ANKRD36: variants seen among roughly 807,000 people sequenced by gnomAD.
ANKRD36 encodes ankyrin repeat domain 36.
Under a neutral mutation model 278.1 loss-of-function variants are expected in ANKRD36, and 179 were observed. The ratio of observed to expected loss-of-function variants is 0.64; its 90% CI spans 0.57 to 0.73. The LOEUF (loss-of-function observed/expected upper bound fraction) is 0.73. Among genes scored for constraint, ANKRD36 ranks in the 30% least tolerant of loss-of-function variants. ANKRD36 has a pLI of 0.00. For synonymous variants in ANKRD36, 320 were observed against 641.1 expected, an observed-to-expected ratio of 0.50 and a Z score of 7.57; for missense variants, 1,159 against 1,956.7, an observed-to-expected ratio of 0.59 and a Z score of 7.69.
chr2:97,178,606 C>T (rs1263121403), intron 22 of ANKRD36, among the ~76,000 whole-genome samples: 1 of 145,022 alleles, frequency 6.9e-6, no homozygotes, highest in African/African-American at 2.5e-5. Flanking sequence ...CATATTCTCA[C>T]TCATAGGTGG....
chr2:97,225,376 T>C (rs1406226490), intron 67 of ANKRD36, among the ~76,000 whole-genome samples: 2 of 152,108 alleles, frequency 1.3e-5, no homozygotes, highest in African/African-American at 4.8e-5. Context: ...GAATGCGTTA[T>C]AAAATCAACC....
chr2:97,146,431 T>A, intron 10 of ANKRD36, 55 bp from the exon 11 acceptor site: 1 of 1,376,060 alleles, frequency 7.3e-7, no homozygotes, highest in Non-Finnish European at 9.8e-7. Flanking sequence ...ATGTTTTTAA[T>A]ATTTTATAGG....
rs1299744411 is a variant in ANKRD36 at position 97,209,803 on chromosome 2, A to T, written c.3298A>T (p.Thr1100Ser). 6.2e-7 allele frequency: 1 copy of T among 1,600,846 alleles called. No individual in the cohort carries two copies. The highest frequency in any genetic ancestry group is 8.5e-7 in the Non-Finnish European group (1 of 1,175,918). The change falls in exon 56 of 76, where the codon ACA (threonine) becomes TCA (serine). Residue 1100 changes from threonine (T) to serine (S), a missense_variant. Physicochemically the swap from Thr to Ser is moderately conservative, Grantham distance 58 (BLOSUM62 1). Transcript: ENST00000420699. ...TTTCATTTCAAATTCCATTCAGGCT[A>T]CAAGTGACGAGAAAGATTCTGTTTT... ...SSRKKPALKA[T>S]SDEKDSVLYI...
intron 42 of ANKRD36, 34 bp from the exon 43 acceptor site, chr2:97,198,429 A>C: frequency 1.3e-6 from 2 of 1,569,238 alleles, no homozygotes; most frequent in Non-Finnish European, 1.7e-6. Flanking sequence ...TCGTTTTTAC[A>C]TATGAGTGAT....
Position 97,122,939 on chromosome 2 carries a change from T to C in ANKRD36, c.539T>C (p.Val180Ala). 1.3e-6 allele frequency: 2 copies of C among 1,545,132 alleles called. No individual in the cohort carries two copies. The highest frequency in any genetic ancestry group is 1.7e-6 in the Non-Finnish European group (2 of 1,142,966). Residue 180 changes from valine to alanine, a missense_variant, in exon 4 of 76, where the codon GTG becomes GCG. Val to Ala is a moderately conservative substitution (Grantham distance 64). Coordinates refer to ENST00000420699, the MANE Select transcript of ANKRD36 (RefSeq NM_001354587.1). ...FAVSRRKVKM[V>A]EFLLKKKANV... ...GTGAGTCGAAGAAAAGTGAAAATGG[T>C]GGAATTTTTATTAAAGAAAAAAGCA...
At chr2:97,149,657 C>A (rs1422770180) in intron 12 of ANKRD36, among the ~76,000 whole-genome samples, 15 of 150,948 alleles carry the variant, frequency 9.9e-5, no homozygotes, top group African/African-American at 3.5e-4. Context: ...AGAGGATATA[C>A]AAATTTTGGT....
intron 32 of ANKRD36, 72 bp downstream of exon 32, chr2:97,187,473 C>T: frequency 1.7e-5 from 2 of 116,424 alleles, no homozygotes; most frequent in Non-Finnish European, 1.6e-5. Flanking sequence ...CCTAATAAAT[C>T]AGCGGAGGGC....
At chr2:97,180,516 A>T (rs2055859355) in intron 24 of ANKRD36, among the ~76,000 whole-genome samples, 1 of 151,626 alleles carries the variant, frequency 6.6e-6, no homozygotes, top group South Asian at 2.1e-4. Context: ...AGAAGATTTG[A>T]TTTTGGCTGC....
In ANKRD36 at chr2:97,187,408, T is replaced by C. The variant is rs758849588; in HGVS notation, c.2143+7T>C. 7.2e-7 allele frequency: 1 copy of C among 1,384,494 alleles called. No individual in the cohort carries two copies. The highest frequency in any genetic ancestry group is 2.0e-5 in the Admixed American group (1 of 49,072). The allele number at this position is 1,384,494 out of a possible 1,614,324, so 85.8% of individuals were successfully genotyped here. A position where few individuals can be genotyped will look rare whatever the true frequency, so the allele number is the denominator to read the frequency against. ...GGAGAAAAATCTGGGACAGGTAATTTTGCAAAACACATTCAATGTCATGTT... is the reference window on the plus strand; with the variant it reads ...GGAGAAAAATCTGGGACAGGTAATTCTGCAAAACACATTCAATGTCATGTT... On this transcript the variant is annotated splice_region_variant and intron_variant, in intron 32 of 75. Transcript: ENST00000420699.
chr2:97,201,399 A>G (rs1401512483), intron 46 of ANKRD36, among the ~76,000 whole-genome samples: 3 of 151,900 alleles, frequency 2.0e-5, no homozygotes, highest in Non-Finnish European at 4.4e-5. Context: ...TCCTAGAGTG[A>G]TCATTTTCAA....
At chr2:97,166,653 T>A (rs2050746691) in intron 20 of ANKRD36, among the ~76,000 whole-genome samples, 1 of 152,212 alleles carries the variant, frequency 6.6e-6, no homozygotes, top group African/African-American at 2.4e-5. Context: ...ACCTGGTATA[T>A]TCGCACTCGA....
At chr2:97,202,437 A>G (rs2061644044) in intron 48 of ANKRD36, 44 bp downstream of exon 48, 11 of 1,541,196 alleles carry the variant, frequency 7.1e-6, no homozygotes, top group Middle Eastern at 1.7e-4. Flanking sequence ...GTCCAGGTAG[A>G]TAAGAAGTTC....
At chr2:97,212,914 A>G (rs1481524092) in intron 58 of ANKRD36, 1 of 252,408 alleles carries the variant, frequency 4.0e-6, no homozygotes, top group African/African-American at 2.3e-5. Context: ...GGACACTTCC[A>G]CTGAAGAGAC....
At chr2:97,192,349 C>T (rs2058707067) in intron 36 of ANKRD36, among the ~76,000 whole-genome samples, 1 of 151,674 alleles carries the variant, frequency 6.6e-6, no homozygotes. Context: ...TAGGACACTA[C>T]CCCTGAAGAG....
intron 67 of ANKRD36, among the ~76,000 whole-genome samples, chr2:97,227,345 G>A (rs1189018298): frequency 8.7e-5 from 13 of 149,552 alleles, no homozygotes; most frequent in Admixed American, 2.7e-4. Flanking sequence ...CCTTCACATC[G>A]CTTGTAAGTT....
intron 42 of ANKRD36, 132 bp downstream of exon 42, chr2:97,196,920 A>C (rs950555420): frequency 5.0e-6 from 7 of 1,387,008 alleles, no homozygotes; most frequent in Non-Finnish European, 5.8e-6. Flanking sequence ...CTTCATTTGC[A>C]GTAGGTTCTT....
intron 24 of ANKRD36, among the ~76,000 whole-genome samples, chr2:97,180,426 G>A (rs200790270): frequency 4.6e-5 from 7 of 151,474 alleles, no homozygotes; most frequent in African/African-American, 1.7e-4. Context: ...GGAAAAAGAA[G>A]GTATTTATGT....
chr2:97,260,379 T>TATATATAC lies in ANKRD36; in HGVS notation c.*7-3949_*7-3948insTATATACA, dbSNP rs1315601255. 6.3e-3 allele frequency among the ~76,000 whole-genome samples: 758 copies of TATATATAC among 120,762 alleles called. 5 individuals carry two copies. Among genetic ancestry groups the TATATATAC allele is most frequent in the African/African-American group, 0.019 (593 of 30,686 alleles). The allele number at this position is 120,762 out of a possible 152,430, so 79.2% of individuals were successfully genotyped here. On this transcript the variant is annotated intron_variant, in intron 75 of 75. Transcript: ENST00000420699. Reference sequence around the variant, plus strand: ...ATATATATATATATATATATATATATACACACATATATACATACACACACA... The same window carrying TATATATAC: ...ATATATATATATATATATATATATATATATATACACACACATATATACATACACACACA...
intron 67 of ANKRD36, among the ~76,000 whole-genome samples, chr2:97,229,681 T>C (rs2071214046): frequency 6.6e-6 from 1 of 152,096 alleles, no homozygotes; most frequent in African/African-American, 2.4e-5. Context: ...CCTGGCATTA[T>C]GATGTTAGCT....
Sources: gnomAD v4.1 joint callset for allele counts (sites outside exome capture counted in the v4.1 genomes callset) on GRCh38, gnomAD v4.1.1 for gene constraint, MANE v1.5 for transcripts, NCBI Gene and HGNC (gene_info 2026-07-23, HGNC 2026-07-21) for gene names.